The following NR1H4 variants were observed in gnomAD, a reference collection of about 807,000 sequenced individuals.
NR1H4 encodes the protein nuclear receptor subfamily 1 group H member 4, also known as bile acid receptor.
NR1H4 carries 23 observed loss-of-function variants against 58.5 expected under a neutral mutation model. The ratio of observed to expected loss-of-function variants is 0.39; its 90% CI spans 0.28 to 0.56. The LOEUF (loss-of-function observed/expected upper bound fraction) is 0.56, where lower values mean the gene tolerates loss of function less well. NR1H4 is among the 20% of genes least tolerant of loss of function. The pLI is 0.58. For missense variants in NR1H4, 487 were observed against 576.9 expected (o/e 0.84, Z 1.60); for synonymous variants, 214 against 198.0 (o/e 1.08, Z -0.68).
chr12:100,551,178 G>A (rs960696323), intron 9 of NR1H4, among the ~76,000 whole-genome samples: 2 of 152,202 alleles, frequency 1.3e-5, no homozygotes, highest in African/African-American at 4.8e-5. Context: ...TAAAGTATAA[G>A]CAGTTGTTAG....
chr12:100,525,181 C>T (rs1954526078), intron 4 of NR1H4: 1 of 152,194 alleles, frequency 6.6e-6, no homozygotes, highest in Non-Finnish European at 1.5e-5. Flanking sequence ...CAGCAGCATG[C>T]AGTTCTTGTA....
chr12:100,549,108 G>A (rs1486518668), intron 9 of NR1H4, among the ~76,000 whole-genome samples: 7 of 152,134 alleles, frequency 4.6e-5, no homozygotes, highest in Admixed American at 6.5e-5. Flanking sequence ...GGAGGCCAAC[G>A]TGGGCAGATC....
chr12:100,502,679 A>G (rs185985637), intron 3 of NR1H4, among the ~76,000 whole-genome samples: 6 of 152,324 alleles, frequency 3.9e-5, no homozygotes, highest in East Asian at 1.9e-4. Flanking sequence ...AGACTTTACA[A>G]TGGTGTGAAA....
At chr12:100,532,015 A>C (rs866704820) in intron 4 of NR1H4, among the ~76,000 whole-genome samples, 2 of 152,080 alleles carry the variant, frequency 1.3e-5, no homozygotes, top group Non-Finnish European at 2.9e-5. Flanking sequence ...GCTCTGCCGC[A>C]GTGCAGCTTT....
chr12:100,532,669 T>C (rs765497833), intron 5 of NR1H4, 59 bp downstream of exon 5: 37 of 1,497,820 alleles, frequency 2.5e-5, no homozygotes, highest in Non-Finnish European at 3.3e-5. Context: ...AGATGTCAGG[T>C]AACTCATCAC....
In NR1H4 at chr12:100,522,484, A is replaced by T. The variant is rs182006971; in HGVS notation, c.446-9974A>T. Among the ~76,000 whole-genome samples, 35 of 152,210 alleles carry T rather than the reference A, an allele frequency of 2.3e-4. No individual in the cohort carries two copies. In the East Asian group the frequency reaches 5.0e-3, roughly 22 times the overall value. On this transcript the variant is annotated intron_variant, in intron 4 of 10. Coordinates refer to ENST00000392986, the MANE Select transcript of NR1H4 (RefSeq NM_001206979.2). The stretch of plus-strand genomic sequence containing the variant: ...ATTATCATTGGGTTGTTGTGAATTT[A>T]AAAAAATGGGATATTATTTTTAAAA...
intron 4 of NR1H4, among the ~76,000 whole-genome samples, chr12:100,517,138 A>G (rs1440936943): frequency 1.3e-5 from 2 of 152,166 alleles, no homozygotes; most frequent in Admixed American, 1.3e-4. Flanking sequence ...TATTCCTTCT[A>G]TCTAACTGTA....
chr12:100,497,371 G>C (rs1475875169), intron 3 of NR1H4, among the ~76,000 whole-genome samples: 2 of 152,150 alleles, frequency 1.3e-5, no homozygotes, highest in African/African-American at 4.8e-5. Flanking sequence ...GTCATCATCT[G>C]AGCTCGTGTA....
At chr12:100,487,007 A>G (rs370966673) in intron 1 of NR1H4, among the ~76,000 whole-genome samples, 1 of 152,228 alleles carries the variant, frequency 6.6e-6, no homozygotes, top group Non-Finnish European at 1.5e-5. Flanking sequence ...AAAAAGGAAC[A>G]CTTCAGTAGA....
intron 4 of NR1H4, among the ~76,000 whole-genome samples, chr12:100,517,108 A>G (rs1048634176): frequency 2.0e-5 from 3 of 152,218 alleles, no homozygotes; most frequent in South Asian, 2.1e-4. Flanking sequence ...TCATGCTGCT[A>G]TGCAATAGAA....
chr12:100,491,265 A>G (rs1284136689), intron 1 of NR1H4, among the ~76,000 whole-genome samples: 1 of 152,068 alleles, frequency 6.6e-6, no homozygotes, highest in East Asian at 1.9e-4. Flanking sequence ...GGGGCAGAGC[A>G]GTGCCCAACC....
intron 9 of NR1H4, among the ~76,000 whole-genome samples, chr12:100,550,787 A>G (rs563668010): frequency 6.6e-6 from 1 of 152,358 alleles, no homozygotes; most frequent in African/African-American, 2.4e-5. Flanking sequence ...GCCTTTTTCC[A>G]TCCCCACAAG....
chr12:100,494,261 G>A (rs997578296), intron 3 of NR1H4, among the ~76,000 whole-genome samples: 2 of 152,064 alleles, frequency 1.3e-5, no homozygotes, highest in African/African-American at 4.8e-5. Context: ...TTAATAATTT[G>A]TTCTGTTACC....
intron 1 of NR1H4, among the ~76,000 whole-genome samples, chr12:100,479,205 C>A (rs1314678832): frequency 1.3e-5 from 2 of 151,978 alleles, no homozygotes; most frequent in African/African-American, 4.8e-5. Flanking sequence ...ATGCCTTAAC[C>A]TCTGTCTTAC....
At chr12:100,508,667 A>G (rs969779557) in intron 3 of NR1H4, among the ~76,000 whole-genome samples, 2 of 152,204 alleles carry the variant, frequency 1.3e-5, no homozygotes, top group African/African-American at 4.8e-5. Context: ...ATGAGAACAT[A>G]CAAGTGCCTG....
chr12:100,490,010 A>G (rs1319104267), intron 1 of NR1H4, among the ~76,000 whole-genome samples: 1 of 152,162 alleles, frequency 6.6e-6, no homozygotes, highest in Non-Finnish European at 1.5e-5. Context: ...GGGGAACTGG[A>G]CTTTTCATTT....
intron 4 of NR1H4, among the ~76,000 whole-genome samples, chr12:100,528,086 G>T (rs558071617): frequency 6.6e-5 from 10 of 152,280 alleles, no homozygotes; most frequent in African/African-American, 2.4e-4. Flanking sequence ...TATTTTAAAA[G>T]CCTGTAGACC....
At chr12:100,532,240 T>G (rs1954711189) in intron 4 of NR1H4, among the ~76,000 whole-genome samples, 1 of 152,218 alleles carries the variant, frequency 6.6e-6, no homozygotes, top group Non-Finnish European at 1.5e-5. Flanking sequence ...GAGGCTATAA[T>G]TCAAATTTGT....
At position 100,556,297 on chromosome 12, in the gene NR1H4, G is replaced by A. The variant is rs374104983; in HGVS notation, c.1079-5588G>A. Among the ~76,000 whole-genome samples the A allele has an allele frequency of 4.2e-4, 64 of 151,818 alleles. 1 individual carries two copies. The highest frequency in any genetic ancestry group is 1.4e-3 in the African/African-American group (60 of 41,422). ...AGCCTGACCAACATGGAGAAACCCC[G>A]TATCTACTAAAAATATAAAATTAGC... On this transcript the variant is annotated intron_variant, in intron 9 of 10. Transcript: ENST00000392986.
Sources: allele counts gnomAD v4.1 joint callset (sites outside exome capture counted in the v4.1 genomes callset), GRCh38; gene constraint gnomAD v4.1.1; transcripts MANE v1.5; gene names NCBI Gene and HGNC (gene_info 2026-07-23, HGNC 2026-07-21).